NXPH1: variants seen among roughly 807,000 people sequenced by gnomAD.
NXPH1 encodes neurexophilin 1.
Under a neutral mutation model 23.7 loss-of-function variants are expected in NXPH1, and 5 were observed. The observed-to-expected ratio is 0.21, with a 90% CI of 0.11 to 0.44. The LOEUF is 0.44. NXPH1 is among the 20% of genes least tolerant of loss of function. NXPH1 has a pLI of 0.99. For synonymous variants in NXPH1, 144 were observed against 122.2 expected (o/e 1.18, Z -1.18); for missense variants, 324 against 321.6 (o/e 1.01, Z -0.06).
intron 2 of NXPH1, among the ~76,000 whole-genome samples, chr7:8,457,985 C>T (rs1816629173): frequency 6.6e-6 from 1 of 152,108 alleles, no homozygotes. Context: ...CAAAGCAATT[C>T]TTAATAATGT....
chr7:8,542,484 A>G (rs1490342420), intron 2 of NXPH1, among the ~76,000 whole-genome samples: 1 of 151,576 alleles, frequency 6.6e-6, no homozygotes, highest in Non-Finnish European at 1.5e-5. Flanking sequence ...TCTAATCTGC[A>G]GGTATAGAAA....
chr7:8,616,424 C>T (rs906106848), intron 2 of NXPH1, among the ~76,000 whole-genome samples: 3 of 152,012 alleles, frequency 2.0e-5, no homozygotes, highest in South Asian at 4.1e-4. Flanking sequence ...TATAAATTTA[C>T]TTGTTTATTT....
chr7:8,524,392 T>C (rs533812189), intron 2 of NXPH1, among the ~76,000 whole-genome samples: 1 of 152,064 alleles, frequency 6.6e-6, no homozygotes, highest in African/African-American at 2.4e-5. Flanking sequence ...TTAAAAGGAG[T>C]ACCTCAGGTG....
At position 8,641,834 on chromosome 7, in the gene NXPH1, T is replaced by C. The variant is rs144714562; in HGVS notation, c.55-109174T>C. Among the ~76,000 whole-genome samples the C allele has an allele frequency of 2.2e-3, 338 of 152,358 alleles. 4 individuals are homozygous for C. The highest frequency in any genetic ancestry group is 7.5e-3 in the African/African-American group (311 of 41,582). On this transcript the variant is annotated intron_variant, in intron 2 of 2. Transcript: ENST00000405863. ...ACCTTTTTGTCCTTATTTGAGTTAATAATTGCCTAATTTTTCTTAGCTTAG... is the reference window on the plus strand; with the variant it reads ...ACCTTTTTGTCCTTATTTGAGTTAACAATTGCCTAATTTTTCTTAGCTTAG...
At chr7:8,545,895 A>G (rs1049854518) in intron 2 of NXPH1, among the ~76,000 whole-genome samples, 1 of 151,426 alleles carries the variant, frequency 6.6e-6, no homozygotes, top group African/African-American at 2.4e-5. Context: ...CAGGCAGTCA[A>G]TATCTGGGCT....
intron 2 of NXPH1, among the ~76,000 whole-genome samples, chr7:8,597,816 A>G (rs887950019): frequency 3.9e-5 from 6 of 152,110 alleles, no homozygotes; most frequent in South Asian, 4.1e-4. Context: ...AATGCTGATT[A>G]CACAGAAAAT....
chr7:8,650,928 T>G (rs1820480714), intron 2 of NXPH1, among the ~76,000 whole-genome samples: 2 of 152,328 alleles, frequency 1.3e-5, no homozygotes, highest in South Asian at 4.1e-4. Context: ...CATTGAAGGT[T>G]GATCCAAAAG....
rs146735176 is a variant in NXPH1, at chr7:8,443,161, G to C, written c.54+7394G>C. The stretch of plus-strand genomic sequence containing the variant: ...ACCCCTTCCAGCTATTCGGGGGGCA[G>C]CTAGCTCCCGTCTCTAGGTCCCCAG... On this transcript the variant is annotated intron_variant, in intron 2 of 2. Transcript: ENST00000405863. Among the ~76,000 whole-genome samples the C allele has an allele frequency of 3.0e-4, 46 of 152,374 alleles. 1 individual carries two copies. The East Asian group carries it at 8.5e-3, about 28-fold the overall frequency.
At position 8,443,900 on chromosome 7, in the gene NXPH1, A is replaced by G. The variant is rs569757238; in HGVS notation, c.54+8133A>G. On this transcript the variant is annotated intron_variant, in intron 2 of 2. Coordinates refer to ENST00000405863, the MANE Select transcript of NXPH1 (RefSeq NM_152745.3). ...CCGCCCCCTACAAACACTCATTCTC[A>G]CACAACGTTGCCCTACCTCCCTCGC... 8.5e-5 allele frequency among the ~76,000 whole-genome samples: 13 copies of G among 152,156 alleles called. No homozygotes were observed. The South Asian group carries it at 2.5e-3, about 29-fold the overall frequency.
At chr7:8,639,822 C>T (rs1233289684) in intron 2 of NXPH1, among the ~76,000 whole-genome samples, 1 of 152,060 alleles carries the variant, frequency 6.6e-6, no homozygotes, top group Non-Finnish European at 1.5e-5. Context: ...TTTCTTTTGC[C>T]CCGGCCATGT....
Position 8,470,383 on chromosome 7 carries a change from C to T in NXPH1, c.54+34616C>T, listed in dbSNP as rs183743369. 1.4e-4 allele frequency among the ~76,000 whole-genome samples: 22 copies of T among 152,212 alleles called. No homozygotes were observed. In the East Asian group the frequency reaches 3.1e-3, roughly 21 times the overall value. ...AGTAACAGACTAACATTCTTGAAGA[C>T]GCCTGAATTTTTTGAAATAATTTTC... On this transcript the variant is annotated intron_variant, in intron 2 of 2. Coordinates refer to ENST00000405863, the MANE Select transcript of NXPH1 (RefSeq NM_152745.3).
intron 2 of NXPH1, among the ~76,000 whole-genome samples, chr7:8,706,349 C>T (rs1374484447): frequency 6.6e-6 from 1 of 152,178 alleles, no homozygotes; most frequent in African/African-American, 2.4e-5. Flanking sequence ...AAGGCACAAG[C>T]AGGTGTCTCA....
chr7:8,647,778 G>A (rs1178313150), intron 2 of NXPH1, among the ~76,000 whole-genome samples: 4 of 146,420 alleles, frequency 2.7e-5, no homozygotes, highest in African/African-American at 5.2e-5. Flanking sequence ...TTAACCATTC[G>A]GTTTTTTTTT....
Position 8,435,800 on chromosome 7 carries a change from T to C in NXPH1, c.54+33T>C, listed in dbSNP as rs757462255. 3 of 1,609,800 alleles carry C rather than the reference T, an allele frequency of 1.9e-6. No individual in the cohort carries two copies. Among genetic ancestry groups the C allele is most frequent in the South Asian group, 1.1e-5 (1 of 90,988 alleles). On this transcript the variant is annotated intron_variant, in intron 2 of 2. Coordinates refer to ENST00000405863, the MANE Select transcript of NXPH1 (RefSeq NM_152745.3). The surrounding 1 kb of genome is among the most constrained non-coding windows in gnomAD (Gnocchi z 5.9). ...TTGGAAGGTTCGGGGCTTTCGCATT[T>C]TTACCCCGGCCGGGAGGCAAGGAAA...
chr7:8,689,995 T>A (rs1165951902), intron 2 of NXPH1, among the ~76,000 whole-genome samples: 2 of 152,202 alleles, frequency 1.3e-5, no homozygotes, highest in Non-Finnish European at 2.9e-5. Flanking sequence ...ATAATAAGCC[T>A]AGGTGAATAT....
At chr7:8,730,201 G>T (rs1270209776) in intron 2 of NXPH1, among the ~76,000 whole-genome samples, 24 of 148,246 alleles carry the variant, frequency 1.6e-4, no homozygotes, top group African/African-American at 2.7e-4. Flanking sequence ...TGGTAGATCT[G>T]CCTCCATCCT....
At chr7:8,743,715 G>A (rs1015013174) in intron 2 of NXPH1, among the ~76,000 whole-genome samples, 2 of 144,308 alleles carry the variant, frequency 1.4e-5, no homozygotes, top group East Asian at 4.0e-4. Context: ...ATTGAGTCTC[G>A]CTCTGTGGCC....
intron 2 of NXPH1, among the ~76,000 whole-genome samples, chr7:8,692,979 C>T (rs1173643814): frequency 1.3e-5 from 2 of 151,946 alleles, no homozygotes; most frequent in African/African-American, 2.4e-5. Context: ...TGAAGTCTTC[C>T]TACAAGCCCA....
chr7:8,617,102 G>A (rs2115118611), intron 2 of NXPH1, among the ~76,000 whole-genome samples: 1 of 152,208 alleles, frequency 6.6e-6, no homozygotes, highest in African/African-American at 2.4e-5. Flanking sequence ...GAAAGGGGAT[G>A]TCTACTGGCA....
Sources: gnomAD v4.1 joint callset for allele counts (sites outside exome capture counted in the v4.1 genomes callset) on GRCh38, gnomAD v4.1.1 for gene constraint, Gnocchi (gnomAD v3.1) non-coding constraint, MANE v1.5 for transcripts, NCBI Gene and HGNC (gene_info 2026-07-23, HGNC 2026-07-21) for gene names.